Variants in PTPRN2 observed in about 807,000 individuals in gnomAD.
The protein encoded by PTPRN2 is protein tyrosine phosphatase receptor type N2.
In PTPRN2, 74 loss-of-function variants were observed where a neutral mutation model predicts 118.8. The ratio of observed to expected loss-of-function variants is 0.62; its 90% CI spans 0.52 to 0.76. The LOEUF (loss-of-function observed/expected upper bound fraction) is 0.76, where lower values mean the gene tolerates loss of function less well. Ranked by LOEUF, PTPRN2 falls within the 30% of genes least tolerant of loss-of-function variation. The pLI is 0.00. For synonymous variants in PTPRN2, 641 were observed against 608.0 expected, an observed-to-expected ratio of 1.05 and a Z score of -0.80; for missense variants, 1,481 against 1,394.4, an observed-to-expected ratio of 1.06 and a Z score of -0.99.
intron 11 of PTPRN2, among the ~76,000 whole-genome samples, chr7:157,901,563 A>C (rs56827496): frequency 0.024 from 3,689 of 152,374 alleles, 125 homozygotes; most frequent in African/African-American, 0.076. Context: ...ATTTAAGTGC[A>C]TGTTTTTATC....
intron 1 of PTPRN2, among the ~76,000 whole-genome samples, chr7:158,584,931 C>T (rs995492544): frequency 6.6e-6 from 1 of 152,176 alleles, no homozygotes; most frequent in Non-Finnish European, 1.5e-5. Context: ...GGCTGTTTGA[C>T]GTAACAGAGG....
chr7:158,106,721 G>T (rs1815718570), intron 10 of PTPRN2, among the ~76,000 whole-genome samples: 1 of 152,178 alleles, frequency 6.6e-6, no homozygotes. Flanking sequence ...CCTGTTACAT[G>T]ATTTTCACTA....
In PTPRN2 at chr7:158,137,809, C is replaced by T. The variant is rs112427084; in HGVS notation, c.1132+485G>A. On this transcript the variant is annotated intron_variant, in intron 7 of 22. Transcript: ENST00000389418. ...CTCCACGCTGTGAGAAGCCATCAGG[C>T]TGCAGAAGTCCTGGCTGACCCATGG... Among the ~76,000 whole-genome samples the T allele has an allele frequency of 2.2e-3, 336 of 152,334 alleles. 5 individuals are homozygous for T. Among genetic ancestry groups the T allele is most frequent in the African/African-American group, 7.7e-3 (322 of 41,570 alleles).
chr7:157,548,429 C>T (rs1015963155), intron 22 of PTPRN2, among the ~76,000 whole-genome samples: 3 of 152,198 alleles, frequency 2.0e-5, no homozygotes, highest in African/African-American at 7.2e-5. Flanking sequence ...ACCTCACGTC[C>T]AGTTCTTGTT....
At chr7:157,566,597 A>C (rs221293) in intron 21 of PTPRN2, among the ~76,000 whole-genome samples, 71,449 of 152,098 alleles carry the variant, frequency 0.47, 17,263 homozygotes, top group South Asian at 0.69. Flanking sequence ...CACCAATCTC[A>C]GAAAAGGCCC....
chr7:157,654,871 G>A (rs1310974226), intron 14 of PTPRN2, among the ~76,000 whole-genome samples: 2 of 152,210 alleles, frequency 1.3e-5, no homozygotes, highest in African/African-American at 4.8e-5. Flanking sequence ...TGGCTGACCT[G>A]TCAGATGAAT....
At chr7:158,036,282 T>C (rs187548637) in intron 11 of PTPRN2, among the ~76,000 whole-genome samples, 14 of 152,358 alleles carry the variant, frequency 9.2e-5, no homozygotes, top group Non-Finnish European at 1.9e-4. Flanking sequence ...AGAATTGAAT[T>C]GAAAGGAATG....
chr7:157,596,803 T>G lies in PTPRN2; in HGVS notation c.2419-1488A>C, dbSNP rs1490778692. On this transcript the variant is annotated intron_variant, in intron 16 of 22. Transcript: ENST00000389418. This position sits in a 1 kb window ranked among gnomAD's most constrained non-coding sequence, Gnocchi z 4.2. ...TATTGTGTCTAGGACTAAAATGGAC[T>G]CTTTTGCTATCAGGGTTTGATTCGA... is the stretch of plus-strand genomic sequence containing the variant. 6.6e-6 allele frequency among the ~76,000 whole-genome samples: 1 copy of G among 152,246 alleles called. No individual in the cohort carries two copies. The highest frequency in any genetic ancestry group is 1.9e-4 in the East Asian group (1 of 5,202).
Position 157,964,706 on chromosome 7 carries a change from C to A in PTPRN2, c.1724-65969G>T, listed in dbSNP as rs565314238. On this transcript the variant is annotated intron_variant, in intron 11 of 22. Coordinates refer to ENST00000389418, the MANE Select transcript of PTPRN2 (RefSeq NM_002847.5). The surrounding 1 kb of genome is among the most constrained non-coding windows in gnomAD (Gnocchi z 9.0). The stretch of plus-strand genomic sequence containing the variant: ...CCTGAGGCAGCATCATGGACTTGAC[C>A]GACTCACCTCAGAGCTTGGCACTGG... Among the ~76,000 whole-genome samples, 1 of 152,148 alleles carries A rather than the reference C, an allele frequency of 6.6e-6. No individual in the cohort carries two copies. Among genetic ancestry groups the A allele is most frequent in the African/African-American group, 2.4e-5 (1 of 41,442 alleles).
chr7:157,573,155 A>G lies in PTPRN2; in HGVS notation c.2784-1662T>C, dbSNP rs903061325. On this transcript the variant is annotated intron_variant, in intron 19 of 22. Transcript: ENST00000389418. ...ATACCAGGCCTCAGGGGTGCACCCC[A>G]GCATGGGGGTGGGAAGCCCTCCAGC... is the stretch of plus-strand genomic sequence containing the variant. 3.9e-5 allele frequency among the ~76,000 whole-genome samples: 6 copies of G among 152,246 alleles called. No homozygotes were observed. In the East Asian group the frequency reaches 1.2e-3, roughly 29 times the overall value.
At chr7:158,250,780 T>C (rs1413490053) in intron 3 of PTPRN2, among the ~76,000 whole-genome samples, 1 of 152,244 alleles carries the variant, frequency 6.6e-6, no homozygotes, top group Non-Finnish European at 1.5e-5. Flanking sequence ...AGCAGCACTG[T>C]GCTATCACTA....
At chr7:158,519,307 C>T (rs1478628569) in intron 1 of PTPRN2, among the ~76,000 whole-genome samples, 1 of 152,206 alleles carries the variant, frequency 6.6e-6, no homozygotes, top group African/African-American at 2.4e-5. Flanking sequence ...AAGTCGGACT[C>T]ATCCCAGCTA....
intron 15 of PTPRN2, among the ~76,000 whole-genome samples, chr7:157,606,781 T>TA (rs2150588045): frequency 6.6e-6 from 1 of 152,352 alleles, no homozygotes; most frequent in Non-Finnish European, 1.5e-5. Context: ...AGATTTTACT[T>TA]ACAGTTTTTA....
intron 11 of PTPRN2, among the ~76,000 whole-genome samples, chr7:158,041,781 G>C (rs1808493192): frequency 6.6e-6 from 1 of 152,172 alleles, no homozygotes; most frequent in African/African-American, 2.4e-5. Flanking sequence ...AAAGCGAAAC[G>C]AGTATTGCAT....
chr7:158,329,549 A>T (rs996018263), intron 2 of PTPRN2, among the ~76,000 whole-genome samples: 1 of 152,202 alleles, frequency 6.6e-6, no homozygotes. Flanking sequence ...TCGATGAGCC[A>T]GGAGGGGACT....
Position 157,944,735 on chromosome 7 carries a change from G to T in PTPRN2, c.1724-45998C>A, listed in dbSNP as rs1050533954. ...ACTGTCCAGCAGGTCCACGTGCATGGATGAGAGCTGTGCCCCTCTCTTCTC... is the reference window on the plus strand; with the variant it reads ...ACTGTCCAGCAGGTCCACGTGCATGTATGAGAGCTGTGCCCCTCTCTTCTC... On this transcript the variant is annotated intron_variant, in intron 11 of 22. Transcript: ENST00000389418. The surrounding 1 kb of genome is among the most constrained non-coding windows in gnomAD (Gnocchi z 4.3). Among the ~76,000 whole-genome samples, 20 of 152,214 alleles carry T rather than the reference G, an allele frequency of 1.3e-4. No homozygotes were observed. The highest frequency in any genetic ancestry group is 4.8e-4 in the African/African-American group (20 of 41,454).
chr7:157,890,242 C>T (rs972487475), intron 12 of PTPRN2, among the ~76,000 whole-genome samples: 1 of 152,150 alleles, frequency 6.6e-6, no homozygotes, highest in Non-Finnish European at 1.5e-5. Context: ...TAGACTCATT[C>T]ACCCTGCCTA....
At chr7:157,758,618 G>T (rs564199633) in intron 12 of PTPRN2, among the ~76,000 whole-genome samples, 1 of 152,338 alleles carries the variant, frequency 6.6e-6, no homozygotes, top group South Asian at 2.1e-4. Context: ...GTGGGCGGAC[G>T]CAGGGGTCCC....
At position 158,360,057 on chromosome 7, in the gene PTPRN2, GA is replaced by G. The variant is rs1465143223; in HGVS notation, c.164-43126del. On this transcript the variant is annotated intron_variant, in intron 2 of 22. Transcript: ENST00000389418. ...AGATCCCAAGTCCACCCACACCCAGGACGACGCACAGACCCCACATCCACCC... is the reference window on the plus strand; with the variant it reads ...AGATCCCAAGTCCACCCACACCCAGGCGACGCACAGACCCCACATCCACCC... Among the ~76,000 whole-genome samples, 163 of 140,962 alleles carry G rather than the reference GA, an allele frequency of 1.2e-3. 4 individuals carry two copies. Among genetic ancestry groups the G allele is most frequent in the African/African-American group, 4.0e-3 (144 of 36,142 alleles). The allele number at this position is 140,962 out of a possible 152,430, so 92.5% of individuals were successfully genotyped here.
Sources: gnomAD v4.1 joint callset for allele counts (sites outside exome capture counted in the v4.1 genomes callset) on GRCh38, gnomAD v4.1.1 for gene constraint, Gnocchi (gnomAD v3.1) non-coding constraint, MANE v1.5 for transcripts, NCBI Gene and HGNC (gene_info 2026-07-23, HGNC 2026-07-21) for gene names.